ITPRIPL2: variants seen among roughly 807,000 people sequenced by gnomAD.
The protein encoded by ITPRIPL2 is inositol 1,4,5-trisphosphate receptor-interacting protein-like 2.
In ITPRIPL2, 29 loss-of-function variants were observed where a neutral mutation model predicts 31.7. The ratio of observed to expected loss-of-function variants is 0.91; its 90% CI spans 0.68 to 1.25. ITPRIPL2 has a LOEUF of 1.25. Among genes scored for constraint, ITPRIPL2 ranks in the 50% most tolerant of loss-of-function variants. The probability of loss-of-function intolerance (pLI) is 0.00; values close to 1 mark genes in which losing one functional copy is unlikely to be tolerated. For synonymous variants in ITPRIPL2, 344 were observed against 343.4 expected (o/e 1.00, Z -0.02); for missense variants, 696 against 739.1 (o/e 0.94, Z 0.68).
At position 19,121,399 on chromosome 16, in the gene ITPRIPL2, G is replaced by A. The variant is rs995431275; in HGVS notation, c.*5330G>A. The stretch of plus-strand genomic sequence containing the variant: ...GTCTGGCGGCTGCAGGCATAGCGTC[G>A]GTTTTGTTCCAATAACAGAGACCAA... On this transcript the variant is annotated 3_prime_UTR_variant, in exon 1 of 1. Transcript: ENST00000381440. 1.2e-5 allele frequency: 2 copies of A among 167,062 alleles called. No individual in the cohort carries two copies. The highest frequency in any genetic ancestry group is 2.1e-4 in the South Asian group (1 of 4,808). The allele number at this position is 167,062 out of a possible 1,614,324, so 10.3% of individuals were successfully genotyped here.
In ITPRIPL2 at chr16:19,115,303, G is replaced by A. The variant is rs1963424132; in HGVS notation, c.842G>A (p.Gly281Asp). ...CGCTGTCGGGTCACCTTGACCCCAG[G>A]TGGCCTGGAACAGCCCCCCACCTTA... Reference protein sequence around the residue: ...EGRCRVTLTPGGLEQPPTLHI... With the variant: ...EGRCRVTLTPDGLEQPPTLHI... The change falls in exon 1 of 1, where the codon GGT becomes GAT. Residue 281 changes from glycine to aspartate, a missense_variant. Transcript: ENST00000381440. 6 of 1,613,294 alleles carry A rather than the reference G, an allele frequency of 3.7e-6. No individual in the cohort carries two copies. The highest frequency in any genetic ancestry group is 1.3e-5 in the African/African-American group (1 of 75,074).
Position 19,117,628 on chromosome 16 carries a change from G to A in ITPRIPL2, c.*1559G>A, listed in dbSNP as rs1408100933. The A allele has an allele frequency of 6.0e-6, 1 of 167,022 alleles. No homozygotes were observed. Among genetic ancestry groups the A allele is most frequent in the Non-Finnish European group, 1.5e-5 (1 of 68,122 alleles). 10.3% of individuals were successfully genotyped at this position (167,022 alleles called of 1,614,324 possible). On this transcript the variant is annotated 3_prime_UTR_variant, in exon 1 of 1. Transcript: ENST00000381440. ...TTTTTTGTTTTCTAAATAAAAACAT[G>A]TACTTCCTCAGACTCTTAAAGCTAA...
rs759574766 is a variant in ITPRIPL2 at position 19,114,902 on chromosome 16, G to T, written c.441G>T (p.Ala147=). ...RGSPGLIPGG[A]LALAFRGDFI... Reference sequence around the variant, plus strand: ...CCCCCGGTCTCATTCCTGGGGGAGCGCTGGCCTTGGCCTTCCGCGGAGACT... The same window carrying T: ...CCCCCGGTCTCATTCCTGGGGGAGCTCTGGCCTTGGCCTTCCGCGGAGACT... Residue 147 remains alanine, a synonymous_variant, in exon 1 of 1, where the codon GCG becomes GCT. Transcript: ENST00000381440. 2 of 1,609,730 alleles carry T rather than the reference G, an allele frequency of 1.2e-6. No individual in the cohort carries two copies. The highest frequency in any genetic ancestry group is 1.7e-6 in the Non-Finnish European group (2 of 1,179,224).
rs1963449335 is a variant in ITPRIPL2, at chr16:19,116,732, A to G, written c.*663A>G. 6.0e-6 allele frequency: 1 copy of G among 167,138 alleles called. No homozygotes were observed. Among genetic ancestry groups the G allele is most frequent in the Admixed American group, 6.5e-5 (1 of 15,294 alleles). 10.4% of individuals were successfully genotyped at this position (167,138 alleles called of 1,614,324 possible). A position where few individuals can be genotyped will look rare whatever the true frequency, so the allele number is the denominator to read the frequency against. On this transcript the variant is annotated 3_prime_UTR_variant, in exon 1 of 1. Transcript: ENST00000381440. ...TCGAGAGTTGGTTAGAGAAGCTTCCAGAGAAAATAGCACTTTATATTGATC... is the reference window on the plus strand; with the variant it reads ...TCGAGAGTTGGTTAGAGAAGCTTCCGGAGAAAATAGCACTTTATATTGATC...
Position 19,115,360 on chromosome 16 carries a change from G to C in ITPRIPL2, c.899G>C (p.Cys300Ser). The C allele has an allele frequency of 5.0e-6, 8 of 1,613,330 alleles. No individual in the cohort carries two copies. Among genetic ancestry groups the C allele is most frequent in the Non-Finnish European group, 5.9e-6 (7 of 1,179,986 alleles). ...HILPCRTDYG[C>S]CRLSMAVRLI... ...TTGCCCTGCCGCACTGACTACGGCT[G>C]CTGCCGCCTTTCTATGGCTGTGCGT... The change falls in exon 1 of 1, where the codon TGC becomes TCC. Residue 300 changes from cysteine (C) to serine (S), a missense_variant. By Grantham distance (112) the Cys-to-Ser change is moderately radical. Transcript: ENST00000381440.
chr16:19,115,469 G>A lies in ITPRIPL2; in HGVS notation c.1008G>A (p.Glu336=). The A allele has an allele frequency of 6.2e-7, 1 of 1,608,300 alleles. No individual in the cohort carries two copies. Among genetic ancestry groups the A allele is most frequent in the Admixed American group, 1.7e-5 (1 of 60,014 alleles). Residue 336 remains glutamate (E), a synonymous_variant, in exon 1 of 1, where the codon GAG becomes GAA. Coordinates refer to ENST00000381440, the MANE Select transcript of ITPRIPL2 (RefSeq NM_001034841.4). ...CCTTGCCCAGCGCGCCCCTGTTGGA[G>A]CTCCCTGAGGGCCTGCGTGCGGAGG... ...PPPLPSAPLL[E]LPEGLRAEAL...
At position 19,119,169 on chromosome 16, in the gene ITPRIPL2, AT is replaced by A; in HGVS notation, c.*3101del. ...GCTGAGCGGAGATGTTTTTTGCAAA[AT>A]GAAACTGAAGCTGAAAGAAAGGAGA... On this transcript the variant is annotated 3_prime_UTR_variant, in exon 1 of 1. Coordinates refer to ENST00000381440, the MANE Select transcript of ITPRIPL2 (RefSeq NM_001034841.4). 1 of 412,664 alleles carries A rather than the reference AT, an allele frequency of 2.4e-6. No individual in the cohort carries two copies. The highest frequency in any genetic ancestry group is 4.4e-6 in the Non-Finnish European group (1 of 225,902). 25.6% of individuals were successfully genotyped at this position (412,664 alleles called of 1,614,324 possible).
In ITPRIPL2 at chr16:19,117,912, G is replaced by A. The variant is rs1963464376; in HGVS notation, c.*1843G>A. The stretch of plus-strand genomic sequence containing the variant: ...TGTCTTGGGGACAGTTCCCCGCAAA[G>A]GTCATTCCTAGCTTTTGAGGTCAAT... On this transcript the variant is annotated 3_prime_UTR_variant, in exon 1 of 1. Coordinates refer to ENST00000381440, the MANE Select transcript of ITPRIPL2 (RefSeq NM_001034841.4). The A allele has an allele frequency of 1.2e-5, 2 of 167,006 alleles. No individual in the cohort carries two copies. Among genetic ancestry groups the A allele is most frequent in the South Asian group, 4.1e-4 (2 of 4,830 alleles). The allele number at this position is 167,006 out of a possible 1,614,324, so 10.3% of individuals were successfully genotyped here. A position where few individuals can be genotyped will look rare whatever the true frequency, so the allele number is the denominator to read the frequency against.
At position 19,118,921 on chromosome 16, in the gene ITPRIPL2, A is replaced by C. The variant is rs1963478040; in HGVS notation, c.*2852A>C. ...AGGGCTCTGTTATGTCCTTCATCTG[A>C]AATGTACACATTTTTGGTGTATGCT... On this transcript the variant is annotated 3_prime_UTR_variant, in exon 1 of 1. Coordinates refer to ENST00000381440, the MANE Select transcript of ITPRIPL2 (RefSeq NM_001034841.4). 1 of 413,272 alleles carries C rather than the reference A, an allele frequency of 2.4e-6. No homozygotes were observed. Among genetic ancestry groups the C allele is most frequent in the East Asian group, 3.6e-5 (1 of 28,096 alleles). 25.6% of individuals were successfully genotyped at this position (413,272 alleles called of 1,614,324 possible).
In ITPRIPL2 at chr16:19,115,853, G is replaced by C; in HGVS notation, c.1392G>C (p.Glu464Asp). The change falls in exon 1 of 1, where the codon GAG becomes GAC. Residue 464 changes from glutamate to aspartate, a missense_variant. Glu to Asp is a conservative substitution (Grantham distance 45, BLOSUM62 2). Transcript: ENST00000381440. ...CVLGPGGAAA[E>D]VGPLPKALRE... ...TGGGCCCTGGTGGGGCGGCTGCCGA[G>C]GTGGGTCCCCTGCCCAAGGCACTGA... The C allele has an allele frequency of 6.2e-7, 1 of 1,612,298 alleles. No individual in the cohort carries two copies. The highest frequency in any genetic ancestry group is 8.5e-7 in the Non-Finnish European group (1 of 1,179,806).
Position 19,115,776 on chromosome 16 carries a change from C to A in ITPRIPL2, c.1315C>A (p.Gln439Lys). 1.9e-6 allele frequency: 3 copies of A among 1,613,042 alleles called. No homozygotes were observed. The highest frequency in any genetic ancestry group is 2.5e-6 in the Non-Finnish European group (3 of 1,179,996). Residue 439 changes from glutamine (Q) to lysine (K), a missense_variant, in exon 1 of 1, where the codon CAG becomes AAG. Transcript: ENST00000381440. ...HLGRCLEELV[Q>K]FLRDCLLRRH... ...GGGAAGGTGTTTGGAGGAGTTGGTG[C>A]AGTTCCTTAGGGACTGCCTGCTGCG...
rs1963402345 is a variant in ITPRIPL2, at chr16:19,114,409, C to T, written c.-53C>T. The T allele has an allele frequency of 7.0e-6, 9 of 1,284,112 alleles. No individual in the cohort carries two copies. Among genetic ancestry groups the T allele is most frequent in the Non-Finnish European group, 8.9e-6 (9 of 1,013,528 alleles). 79.5% of individuals were successfully genotyped at this position (1,284,112 alleles called of 1,614,324 possible). On this transcript the variant is annotated 5_prime_UTR_variant, in exon 1 of 1. Transcript: ENST00000381440. ...TGTGCGCATGCTGGGCTTGGGTCGC[C>T]GCCGGGGCTTGCCCCCTGGGCTGCT...
chr16:19,118,969 C>T lies in ITPRIPL2; in HGVS notation c.*2900C>T, dbSNP rs892483526. ...GCTTGGTACTGGAGATTCATATATGCAAATATTCTCATGCAAGAAGTTCCA... is the reference window on the plus strand; with the variant it reads ...GCTTGGTACTGGAGATTCATATATGTAAATATTCTCATGCAAGAAGTTCCA... On this transcript the variant is annotated 3_prime_UTR_variant, in exon 1 of 1. Transcript: ENST00000381440. 3 of 413,268 alleles carry T rather than the reference C, an allele frequency of 7.3e-6. No individual in the cohort carries two copies. Among genetic ancestry groups the T allele is most frequent in the African/African-American group, 4.1e-5 (2 of 48,592 alleles). 25.6% of individuals were successfully genotyped at this position (413,268 alleles called of 1,614,324 possible).
At position 19,115,144 on chromosome 16, in the gene ITPRIPL2, A is replaced by G. The variant is rs776497709; in HGVS notation, c.683A>G (p.Asp228Gly). ...GCCTCGGGGGGCCACTGGCTTCGGG[A>G]CTGCAAACCCTTTGCTGATGCCTTC... Reference protein sequence around the residue: ...SGASGGHWLRDCKPFADAFCV... With the variant: ...SGASGGHWLRGCKPFADAFCV... The change falls in exon 1 of 1, where the codon GAC becomes GGC. Residue 228 changes from aspartate (D) to glycine (G), a missense_variant. Transcript: ENST00000381440. 3 of 1,603,662 alleles carry G rather than the reference A, an allele frequency of 1.9e-6. No individual in the cohort carries two copies. The highest frequency in any genetic ancestry group is 2.5e-6 in the Non-Finnish European group (3 of 1,179,918).
Position 19,119,969 on chromosome 16 carries a change from A to T in ITPRIPL2, c.*3900A>T, listed in dbSNP as rs1350424778. On this transcript the variant is annotated 3_prime_UTR_variant, in exon 1 of 1. Coordinates refer to ENST00000381440, the MANE Select transcript of ITPRIPL2 (RefSeq NM_001034841.4). ...TGTATTTTATTCTTACATTTAAATTAATTTTGGGGGGTTAGTGGTATCCTA... is the reference window on the plus strand; with the variant it reads ...TGTATTTTATTCTTACATTTAAATTTATTTTGGGGGGTTAGTGGTATCCTA... The T allele has an allele frequency of 6.0e-6, 1 of 167,016 alleles. No homozygotes were observed. The highest frequency in any genetic ancestry group is 1.5e-5 in the Non-Finnish European group (1 of 68,108). The allele number at this position is 167,016 out of a possible 1,614,324, so 10.3% of individuals were successfully genotyped here.
rs775750010 is a variant in ITPRIPL2 at position 19,115,942 on chromosome 16, C to T, written c.1481C>T (p.Ala494Val). The T allele has an allele frequency of 1.9e-6, 3 of 1,612,726 alleles. No individual in the cohort carries two copies. Among genetic ancestry groups the T allele is most frequent in the Admixed American group, 1.7e-5 (1 of 60,006 alleles). Residue 494 changes from alanine to valine, a missense_variant, in exon 1 of 1, where the codon GCG becomes GTG. By Grantham distance (64) the Ala-to-Val change is moderately conservative. Transcript: ENST00000381440. ...GGGCACGCCCGGGAACTTGCAGCAG[C>T]GCGGTTGCTGTCCACGTGGCAAAGG... ...FDGHARELAA[A>V]RLLSTWQRLP...
rs529943468 is a variant in ITPRIPL2, at chr16:19,114,647, C to T, written c.186C>T (p.Val62=). The change falls in exon 1 of 1, where the codon GTC becomes GTT. Residue 62 remains valine (V), a synonymous_variant. Coordinates refer to ENST00000381440, the MANE Select transcript of ITPRIPL2 (RefSeq NM_001034841.4). Reference sequence around the variant, plus strand: ...CCGTCCTGCTCCTCCTCAGCTATGTCCTCCTGCGCTGTCGCCACGCTGTCC... The same window carrying T: ...CCGTCCTGCTCCTCCTCAGCTATGTTCTCCTGCGCTGTCGCCACGCTGTCC... ...KVAVLLLLSY[V]LLRCRHAVRQ... 2 of 1,606,480 alleles carry T rather than the reference C, an allele frequency of 1.2e-6. No homozygotes were observed. The highest frequency in any genetic ancestry group is 1.7e-6 in the Non-Finnish European group (2 of 1,177,044).
rs1473130852 is a variant in ITPRIPL2 at position 19,114,417 on chromosome 16, C to A, written c.-45C>A. On this transcript the variant is annotated 5_prime_UTR_variant, in exon 1 of 1. Coordinates refer to ENST00000381440, the MANE Select transcript of ITPRIPL2 (RefSeq NM_001034841.4). ...TGCTGGGCTTGGGTCGCCGCCGGGG[C>A]TTGCCCCCTGGGCTGCTCGGCCACC... 6.9e-6 allele frequency: 9 copies of A among 1,302,432 alleles called. No homozygotes were observed. Among genetic ancestry groups the A allele is most frequent in the African/African-American group, 1.5e-5 (1 of 64,530 alleles). 80.7% of individuals were successfully genotyped at this position (1,302,432 alleles called of 1,614,324 possible).
rs867705443 is a variant in ITPRIPL2, at chr16:19,114,799, C to A, written c.338C>A (p.Pro113Gln). ...SYYEHEVRLSPHVLGHSKAHV... is the reference protein window; with the variant it reads ...SYYEHEVRLSQHVLGHSKAHV... ...TACGAGCATGAGGTGCGCCTGTCTC[C>A]GCACGTGTTGGGCCACAGCAAGGCG... Residue 113 changes from proline to glutamine, a missense_variant, in exon 1 of 1, where the codon CCG becomes CAG. Coordinates refer to ENST00000381440, the MANE Select transcript of ITPRIPL2 (RefSeq NM_001034841.4). 2 of 1,610,488 alleles carry A rather than the reference C, an allele frequency of 1.2e-6. No individual in the cohort carries two copies. The highest frequency in any genetic ancestry group is 1.7e-6 in the Non-Finnish European group (2 of 1,179,050).
Sources: gnomAD v4.1 joint callset for allele counts on GRCh38, gnomAD v4.1.1 for gene constraint, MANE v1.5 for transcripts, NCBI Gene and HGNC (gene_info 2026-07-23, HGNC 2026-07-21) for gene names.